Variants in PCDHGA12 observed in about 807,000 individuals in gnomAD.
PCDHGA12 encodes protocadherin gamma subfamily A, 12.
PCDHGA12 carries 43 observed loss-of-function variants against 61.1 expected under a neutral mutation model. That is an observed-to-expected ratio of 0.70 (90% CI 0.55 to 0.91). The LOEUF (loss-of-function observed/expected upper bound fraction) is 0.91, where lower values mean the gene tolerates loss of function less well. Ranked by LOEUF, PCDHGA12 falls within the 40% of genes least tolerant of loss-of-function variation. The pLI, the probability that PCDHGA12 is intolerant of heterozygous loss-of-function variation, is 0.00. For missense variants in PCDHGA12, 1,236 were observed against 1,227.7 expected, an observed-to-expected ratio of 1.01 and a Z score of -0.10; for synonymous variants, 520 against 542.9, an observed-to-expected ratio of 0.96 and a Z score of 0.59.
chr5:141,481,207 C>T (rs1287298617), intron 1 of PCDHGA12, among the ~76,000 whole-genome samples: 3 of 152,154 alleles, frequency 2.0e-5, no homozygotes, highest in Non-Finnish European at 1.5e-5. Flanking sequence ...TTTTAAAAAA[C>T]ATGGTAAGGT....
At position 141,485,930 on chromosome 5, in the gene PCDHGA12, G is replaced by C; in HGVS notation, c.2425-8877G>C. ...ATCCAGCTACAGGATTAGTGTGTTGGAGAGCGCACCAGCGGGCATGGTGCT... is the reference window on the plus strand; with the variant it reads ...ATCCAGCTACAGGATTAGTGTGTTGCAGAGCGCACCAGCGGGCATGGTGCT... On this transcript the variant is annotated intron_variant, in intron 1 of 3. Coordinates refer to ENST00000252085, the MANE Select transcript of PCDHGA12 (RefSeq NM_003735.3). The surrounding 1 kb of genome is among the most constrained non-coding windows in gnomAD (Gnocchi z 5.7). 6.2e-7 allele frequency: 1 copy of C among 1,614,178 alleles called. No homozygotes were observed. The highest frequency in any genetic ancestry group is 8.5e-7 in the Non-Finnish European group (1 of 1,180,042).
At chr5:141,444,757 C>T (rs919228537) in intron 1 of PCDHGA12, among the ~76,000 whole-genome samples, 4 of 152,050 alleles carry the variant, frequency 2.6e-5, no homozygotes, top group African/African-American at 9.7e-5. Flanking sequence ...ATATGTAGTT[C>T]TATTTCTATA....
At position 141,485,009 on chromosome 5, in the gene PCDHGA12, C is replaced by T. The variant is rs531346426; in HGVS notation, c.2425-9798C>T. The T allele has an allele frequency of 6.4e-5, 40 of 628,334 alleles. No homozygotes were observed. Among genetic ancestry groups the T allele is most frequent in the Admixed American group, 5.3e-4 (18 of 33,986 alleles). The allele number at this position is 628,334 out of a possible 1,614,324, so 38.9% of individuals were successfully genotyped here. On this transcript the variant is annotated intron_variant, in intron 1 of 3. Transcript: ENST00000252085. The surrounding 1 kb of genome is among the most constrained non-coding windows in gnomAD (Gnocchi z 5.7). Reference sequence around the variant, plus strand: ...GGTGGTGAAAGGCAGACAAATCTACCCCGCCACCAGCAAAAACGGCGCGTA... The same window carrying T: ...GGTGGTGAAAGGCAGACAAATCTACTCCGCCACCAGCAAAAACGGCGCGTA...
intron 3 of PCDHGA12, among the ~76,000 whole-genome samples, chr5:141,505,969 A>G (rs1454691041): frequency 1.3e-5 from 2 of 152,142 alleles, no homozygotes; most frequent in Non-Finnish European, 2.9e-5. Context: ...AGAAATCCCC[A>G]GCCGAGAGAA....
chr5:141,498,880 C>G (rs1334510457), intron 2 of PCDHGA12, among the ~76,000 whole-genome samples: 1 of 150,028 alleles, frequency 6.7e-6, no homozygotes, highest in African/African-American at 2.4e-5. Flanking sequence ...TTGCAGTGAG[C>G]TGAGATCACA....
In PCDHGA12 at chr5:141,477,836, G is replaced by T. The variant is rs1344676631; in HGVS notation, c.2425-16971G>T. On this transcript the variant is annotated intron_variant, in intron 1 of 3. Transcript: ENST00000252085. This position sits in a 1 kb window ranked among gnomAD's most constrained non-coding sequence, Gnocchi z 4.9. ...CCAGGTCCTATATCCTCGGCCAGGT[G>T]GGAGCTCGGTGGAGATGCTGCCTCG... The T allele has an allele frequency of 1.2e-6, 2 of 1,613,952 alleles. No individual in the cohort carries two copies. Among genetic ancestry groups the T allele is most frequent in the Non-Finnish European group, 1.7e-6 (2 of 1,180,012 alleles).
At chr5:141,492,163 C>G (rs921256341) in intron 1 of PCDHGA12, among the ~76,000 whole-genome samples, 3 of 152,232 alleles carry the variant, frequency 2.0e-5, no homozygotes, top group Admixed American at 6.5e-5. Flanking sequence ...CCTCCCTATC[C>G]CCGCATCACC....
intron 1 of PCDHGA12, among the ~76,000 whole-genome samples, chr5:141,492,824 C>T (rs1027583244): frequency 4.6e-5 from 7 of 152,236 alleles, no homozygotes. Context: ...ACCAGCGGCC[C>T]CTTCCTCCCG....
At chr5:141,462,523 G>GTGTT (rs2099041548) in intron 1 of PCDHGA12, among the ~76,000 whole-genome samples, 1 of 152,024 alleles carries the variant, frequency 6.6e-6, no homozygotes, top group African/African-American at 2.4e-5. Context: ...GTTAGTAAGA[G>GTGTT]TGTTGTTCAG....
At chr5:141,434,338 G>A (rs1037038534) in intron 1 of PCDHGA12, among the ~76,000 whole-genome samples, 5 of 152,086 alleles carry the variant, frequency 3.3e-5, no homozygotes, top group East Asian at 1.9e-4. Context: ...TCTTTGTGTC[G>A]GGAACAGGCC....
At chr5:141,457,864 C>T (rs962336979) in intron 1 of PCDHGA12, among the ~76,000 whole-genome samples, 5 of 152,166 alleles carry the variant, frequency 3.3e-5, no homozygotes, top group African/African-American at 4.8e-5. Flanking sequence ...CTTCACTGAC[C>T]ACAGGTTAGG....
intron 1 of PCDHGA12, among the ~76,000 whole-genome samples, chr5:141,492,206 G>T (rs1180294159): frequency 6.6e-6 from 1 of 152,204 alleles, no homozygotes; most frequent in African/African-American, 2.4e-5. Context: ...TTAGGTGTGC[G>T]CGCGGGGCTC....
chr5:141,487,595 G>C lies in PCDHGA12; in HGVS notation c.2425-7212G>C. ...TGTTCGCCCAAGCTGCCCACCCTCT[G>C]ATCTTCTCTATGGGCTAGAGGTGAG... On this transcript the variant is annotated intron_variant, in intron 1 of 3. Coordinates refer to ENST00000252085, the MANE Select transcript of PCDHGA12 (RefSeq NM_003735.3). The surrounding 1 kb of genome is among the most constrained non-coding windows in gnomAD (Gnocchi z 5.0). 1 of 1,614,202 alleles carries C rather than the reference G, an allele frequency of 6.2e-7. No homozygotes were observed. The highest frequency in any genetic ancestry group is 8.5e-7 in the Non-Finnish European group (1 of 1,180,038).
chr5:141,491,648 T>C lies in PCDHGA12; in HGVS notation c.2425-3159T>C. ...GTTCAGCAGCCCACAGCTCTGGCGC[T>C]GGAGCCTGACGCCATCCGGTCCCGC... On this transcript the variant is annotated intron_variant, in intron 1 of 3. Transcript: ENST00000252085. The surrounding 1 kb of genome is among the most constrained non-coding windows in gnomAD (Gnocchi z 6.9). 2 of 1,613,834 alleles carry C rather than the reference T, an allele frequency of 1.2e-6. No individual in the cohort carries two copies. Among genetic ancestry groups the C allele is most frequent in the South Asian group, 1.1e-5 (1 of 91,082 alleles).
At chr5:141,458,064 C>G (rs886724551) in intron 1 of PCDHGA12, among the ~76,000 whole-genome samples, 1 of 152,104 alleles carries the variant, frequency 6.6e-6, no homozygotes, top group Admixed American at 6.6e-5. Flanking sequence ...TGCACTGATG[C>G]GAACAACTAT....
rs956295940 is a variant in PCDHGA12 at position 141,477,700 on chromosome 5, G to T, written c.2425-17107G>T. The T allele has an allele frequency of 1.2e-6, 2 of 1,613,954 alleles. No individual in the cohort carries two copies. Among genetic ancestry groups the T allele is most frequent in the African/African-American group, 2.7e-5 (2 of 74,928 alleles). On this transcript the variant is annotated intron_variant, in intron 1 of 3. Coordinates refer to ENST00000252085, the MANE Select transcript of PCDHGA12 (RefSeq NM_003735.3). This position sits in a 1 kb window ranked among gnomAD's most constrained non-coding sequence, Gnocchi z 4.9. ...CATCCTTAGTGCCCCTAGACTATGAGGATCGGCGGGAATTTGAATTAACAG... is the reference window on the plus strand; with the variant it reads ...CATCCTTAGTGCCCCTAGACTATGATGATCGGCGGGAATTTGAATTAACAG...
intron 1 of PCDHGA12, among the ~76,000 whole-genome samples, chr5:141,469,134 G>T (rs2099192163): frequency 6.6e-6 from 1 of 151,944 alleles, no homozygotes; most frequent in Non-Finnish European, 1.5e-5. Context: ...AAATTAGCCA[G>T]AAATGGTGGC....
chr5:141,481,151 G>A (rs1326614212), intron 1 of PCDHGA12, among the ~76,000 whole-genome samples: 1 of 152,198 alleles, frequency 6.6e-6, no homozygotes, highest in African/African-American at 2.4e-5. Context: ...TGTTATTCTG[G>A]TATTTGCAGA....
In PCDHGA12 at chr5:141,430,986, C is replaced by T. The variant is rs549700048; in HGVS notation, c.227C>T (p.Ala76Val). ...IIPRGRTQLFALNPRSGSLVT... is the reference protein window; with the variant it reads ...IIPRGRTQLFVLNPRSGSLVT... ...CCCAGAGGTAGGACGCAGCTTTTCG[C>T]CCTGAATCCGCGCAGCGGCAGCTTG... The change falls in exon 1 of 4, where the codon GCC becomes GTC. Residue 76 changes from alanine (A) to valine (V), a missense_variant. Coordinates refer to ENST00000252085, the MANE Select transcript of PCDHGA12 (RefSeq NM_003735.3). 1.9e-6 allele frequency: 3 copies of T among 1,613,762 alleles called. No homozygotes were observed. The highest frequency in any genetic ancestry group is 2.2e-5 in the East Asian group (1 of 44,870).
Sources: allele counts gnomAD v4.1 joint callset (sites outside exome capture counted in the v4.1 genomes callset), GRCh38; gene constraint gnomAD v4.1.1; non-coding constraint Gnocchi (gnomAD v3.1); transcripts MANE v1.5; gene names NCBI Gene and HGNC (gene_info 2026-07-23, HGNC 2026-07-21).